ASCC1: variants seen among roughly 807,000 people sequenced by gnomAD.
ASCC1 encodes the protein activating signal cointegrator 1 complex subunit 1.
In ASCC1, 35 loss-of-function variants were observed where a neutral mutation model predicts 46.6. The observed-to-expected ratio is 0.75, with a 90% CI of 0.57 to 0.99. The LOEUF is 0.99. ASCC1 is among the 50% of genes least tolerant of loss of function. The pLI is 0.00. For missense variants in ASCC1, 376 were observed against 428.7 expected (o/e 0.88, Z 1.09); for synonymous variants, 143 against 146.6 (o/e 0.98, Z 0.18).
At chr10:72,189,927 T>C in intron 5 of ASCC1, 1 of 693,566 alleles carries the variant, frequency 1.4e-6, no homozygotes, top group Admixed American at 2.0e-5. Flanking sequence ...GCGGCAGCCA[T>C]CAGGTAAGCC....
At chr10:72,151,228 A>T (rs532934716) in intron 7 of ASCC1, among the ~76,000 whole-genome samples, 1 of 152,350 alleles carries the variant, frequency 6.6e-6, no homozygotes, top group Admixed American at 6.5e-5. Context: ...TGGATTAAGA[A>T]AATGTGGCAC....
rs777313011 is a variant in ASCC1 at position 72,143,077 on chromosome 10, C to T, written c.746+9792G>A. On this transcript the variant is annotated intron_variant, in intron 7 of 9. Transcript: ENST00000672957. Reference sequence around the variant, plus strand: ...TCGTGAGGACAAGGCAGAAGAATGGCGTGAACCCAGGCAGTGGAGCTTGCA... The same window carrying T: ...TCGTGAGGACAAGGCAGAAGAATGGTGTGAACCCAGGCAGTGGAGCTTGCA... Among the ~76,000 whole-genome samples, 6 of 148,132 alleles carry T rather than the reference C, an allele frequency of 4.1e-5. No individual in the cohort carries two copies. In the East Asian group the frequency reaches 6.0e-4, roughly 15 times the overall value.
intron 7 of ASCC1, among the ~76,000 whole-genome samples, chr10:72,139,271 G>A (rs1295546671): frequency 1.3e-5 from 2 of 151,712 alleles, no homozygotes; most frequent in Admixed American, 6.6e-5. Context: ...CCGCCACCAC[G>A]CCCGGCTAAT....
At chr10:72,151,945 T>G (rs1848390501) in intron 7 of ASCC1, among the ~76,000 whole-genome samples, 2 of 149,978 alleles carry the variant, frequency 1.3e-5, no homozygotes, top group South Asian at 4.2e-4. Context: ...CACCTCAGTC[T>G]CCCAAGGCAC....
At chr10:72,197,051 C>G in intron 4 of ASCC1, 62 bp from the exon 5 acceptor site, 1 of 1,529,728 alleles carries the variant, frequency 6.5e-7, no homozygotes, top group South Asian at 1.1e-5. Flanking sequence ...AAAACAGGAC[C>G]TCTTGATACT....
intron 9 of ASCC1, chr10:72,102,463 T>C: frequency 7.1e-7 from 1 of 1,403,150 alleles, no homozygotes; most frequent in Non-Finnish European, 9.9e-7. Context: ...TTTATGAGCG[T>C]CCCTCCTTTT....
intron 8 of ASCC1, among the ~76,000 whole-genome samples, chr10:72,131,509 T>C (rs1003104132): frequency 4.0e-5 from 6 of 151,656 alleles, no homozygotes; most frequent in African/African-American, 7.3e-5. Flanking sequence ...TTTTGGATTC[T>C]ATTACCTACC....
chr10:72,137,668 C>T (rs145303742), intron 7 of ASCC1, among the ~76,000 whole-genome samples: 7 of 151,966 alleles, frequency 4.6e-5, no homozygotes, highest in Admixed American at 3.9e-4. Flanking sequence ...AATACAAGCT[C>T]ATTATAGAAC....
At chr10:72,183,542 G>A (rs1564713260) in intron 5 of ASCC1, among the ~76,000 whole-genome samples, 1 of 152,010 alleles carries the variant, frequency 6.6e-6, no homozygotes, top group Non-Finnish European at 1.5e-5. Flanking sequence ...CCAGCTACTC[G>A]GGAGGCTGAG....
chr10:72,200,254 C>A (rs1856301715), intron 4 of ASCC1, among the ~76,000 whole-genome samples: 1 of 151,984 alleles, frequency 6.6e-6, no homozygotes, highest in Non-Finnish European at 1.5e-5. Context: ...GTGTTAATAG[C>A]AATTATGTTT....
intron 5 of ASCC1, among the ~76,000 whole-genome samples, chr10:72,172,934 T>G (rs1851409855): frequency 7.2e-6 from 1 of 138,236 alleles, no homozygotes; most frequent in Non-Finnish European, 1.5e-5. Context: ...TATTATATAT[T>G]TTATATTATA....
intron 4 of ASCC1, among the ~76,000 whole-genome samples, chr10:72,202,732 A>C (rs1856664614): frequency 6.6e-6 from 1 of 152,174 alleles, no homozygotes; most frequent in Non-Finnish European, 1.5e-5. Context: ...AAAAATTGAG[A>C]GCACAATGGA....
At chr10:72,109,668 G>A (rs1276930526) in intron 9 of ASCC1, among the ~76,000 whole-genome samples, 1 of 152,202 alleles carries the variant, frequency 6.6e-6, no homozygotes, top group Non-Finnish European at 1.5e-5. Flanking sequence ...TGACCTATTA[G>A]AGGATGAATT....
At chr10:72,205,847 A>T (rs756760780) in intron 3 of ASCC1, among the ~76,000 whole-genome samples, 20 of 151,838 alleles carry the variant, frequency 1.3e-4, no homozygotes, top group African/African-American at 2.4e-5. Flanking sequence ...GTGGTGTCTC[A>T]CGCCTGTAAT....
chr10:72,206,380 G>A (rs1857218039), intron 3 of ASCC1, among the ~76,000 whole-genome samples: 1 of 152,000 alleles, frequency 6.6e-6, no homozygotes, highest in Non-Finnish European at 1.5e-5. Flanking sequence ...CTCCAGCCTG[G>A]GCAACAAGAG....
At chr10:72,204,639 C>T (rs151275178) in intron 3 of ASCC1, 43 of 1,187,806 alleles carry the variant, frequency 3.6e-5, no homozygotes, top group African/African-American at 1.7e-4. Flanking sequence ...CCCAATTCTA[C>T]GGATGACTAT....
At chr10:72,172,785 A>T (rs1851317129) in intron 5 of ASCC1, among the ~76,000 whole-genome samples, 1 of 133,984 alleles carries the variant, frequency 7.5e-6, no homozygotes, top group Non-Finnish European at 1.6e-5. Flanking sequence ...TTTTTATATT[A>T]TATATTATAT....
intron 9 of ASCC1, among the ~76,000 whole-genome samples, chr10:72,123,948 AAAG>A (rs1392435739): frequency 6.6e-6 from 1 of 152,226 alleles, no homozygotes; most frequent in Non-Finnish European, 1.5e-5. Flanking sequence ...TTTCAGCAAA[AAAG>A]AATAAACAGT....
chr10:72,209,314 T>C (rs1857699769), intron 3 of ASCC1, among the ~76,000 whole-genome samples: 1 of 151,952 alleles, frequency 6.6e-6, no homozygotes. Context: ...TAAAACCCCA[T>C]CTCTACAAAT....
Sources: gnomAD v4.1 joint callset for allele counts (sites outside exome capture counted in the v4.1 genomes callset) on GRCh38, gnomAD v4.1.1 for gene constraint, MANE v1.5 for transcripts, NCBI Gene and HGNC (gene_info 2026-07-23, HGNC 2026-07-21) for gene names.